The following ELAVL2 variants were observed in gnomAD, a reference collection of about 807,000 sequenced individuals.
ELAVL2 encodes ELAV like RNA binding protein 2, also known as ELAV-like protein 2.
In ELAVL2, 4 loss-of-function variants were observed where a neutral mutation model predicts 34.6. The observed-to-expected ratio is 0.12, with a 90% CI of 0.06 to 0.26. The LOEUF is 0.26. ELAVL2 is among the 10% of genes least tolerant of loss of function. The pLI is 1.00. For synonymous variants in ELAVL2, 193 were observed against 154.8 expected (o/e 1.25, Z -1.83); for missense variants, 432 against 442.8 (o/e 0.98, Z 0.22).
the ELAVL2 span, among the ~76,000 whole-genome samples, chr9:23,841,231 G>A: frequency 2.6e-5 from 4 of 152,082 alleles, no homozygotes; most frequent in Non-Finnish European, 5.9e-5. Context: ...AGAAGATGAT[G>A]AGGAGGTGAG....
chr9:23,698,402 C>G (rs1039682401), intron 5 of ELAVL2, among the ~76,000 whole-genome samples: 4 of 152,208 alleles, frequency 2.6e-5, no homozygotes, highest in South Asian at 2.1e-4. Flanking sequence ...CCTCACAAAC[C>G]CACCTTTAAA....
chr9:23,759,499 A>G (rs976319795), intron 2 of ELAVL2, among the ~76,000 whole-genome samples: 1 of 151,424 alleles, frequency 6.6e-6, no homozygotes, highest in Non-Finnish European at 1.5e-5. Context: ...CAGAAGGGTG[A>G]CTATGGTTAG....
At chr9:23,703,405 T>A (rs1331924761) in intron 4 of ELAVL2, among the ~76,000 whole-genome samples, 3 of 152,224 alleles carry the variant, frequency 2.0e-5, no homozygotes, top group Non-Finnish European at 2.9e-5. Flanking sequence ...GGTGGCAATG[T>A]ATAAGTATTA....
the ELAVL2 span, among the ~76,000 whole-genome samples, chr9:23,844,123 T>A: frequency 6.6e-6 from 1 of 152,122 alleles, no homozygotes; most frequent in South Asian, 2.1e-4. Context: ...CCTTCCTGAA[T>A]ACCACACTAA....
At chr9:23,779,395 G>A (rs891616410) in intron 1 of ELAVL2, 1 of 985,234 alleles carries the variant, frequency 1.0e-6, no homozygotes, top group Non-Finnish European at 1.2e-6. Context: ...CCTAAACACT[G>A]GCTATTTATA....
intron 1 of ELAVL2, among the ~76,000 whole-genome samples, chr9:23,822,306 T>C (rs973940523): frequency 2.0e-5 from 3 of 152,276 alleles, no homozygotes; most frequent in Admixed American, 6.5e-5. Context: ...CTTAGCCCCC[T>C]GCTGCCCCTC....
intron 4 of ELAVL2, among the ~76,000 whole-genome samples, chr9:23,702,101 T>G (rs879277587): frequency 1.3e-5 from 2 of 152,178 alleles, no homozygotes; most frequent in Non-Finnish European, 2.9e-5. Context: ...TAGAAAGACA[T>G]TTCGGTTGAA....
chr9:23,706,302 T>C (rs1442344978), intron 3 of ELAVL2, among the ~76,000 whole-genome samples: 1 of 152,212 alleles, frequency 6.6e-6, no homozygotes. Flanking sequence ...AGAAACCACA[T>C]CATTCTTGGT....
chr9:23,821,467 CCA>C (rs1293987032), intron 1 of ELAVL2: 1 of 152,290 alleles, frequency 6.6e-6, no homozygotes, highest in Non-Finnish European at 1.5e-5. Flanking sequence ...GTGTTCCCGC[CCA>C]GAGTTCGGAC....
intron 1 of ELAVL2, among the ~76,000 whole-genome samples, chr9:23,767,649 T>C (rs1453284717): frequency 6.6e-6 from 1 of 152,032 alleles, no homozygotes; most frequent in Non-Finnish European, 1.5e-5. Flanking sequence ...GGGCGTGGTC[T>C]GTAGTCCCAG....
At chr9:23,793,437 G>C (rs1026800389) in intron 1 of ELAVL2, among the ~76,000 whole-genome samples, 4 of 152,158 alleles carry the variant, frequency 2.6e-5, no homozygotes, top group African/African-American at 9.7e-5. Flanking sequence ...TAGAGACCAT[G>C]AGACACACAT....
Position 23,815,455 on chromosome 9 carries a change from A to G in ELAVL2, c.-16+10351T>C, listed in dbSNP as rs144178854. Among the ~76,000 whole-genome samples the G allele has an allele frequency of 3.9e-3, 591 of 152,302 alleles. 2 individuals are homozygous for G. The highest frequency in any genetic ancestry group is 0.024 in the Middle Eastern group (7 of 294). On this transcript the variant is annotated intron_variant, in intron 1 of 6. Transcript: ENST00000397312. ...TTTACTTCATGGCAGAAATAAACAT[A>G]TGATGGTGTATTATAAAAAAACAAA...
At chr9:23,717,607 G>A (rs1214870012) in intron 3 of ELAVL2, among the ~76,000 whole-genome samples, 1 of 152,004 alleles carries the variant, frequency 6.6e-6, no homozygotes, top group African/African-American at 2.4e-5. Context: ...TTCTTTTTCC[G>A]CCCAATAAAA....
intron 1 of ELAVL2, among the ~76,000 whole-genome samples, chr9:23,765,582 A>G (rs562114347): frequency 1.2e-4 from 18 of 152,146 alleles, no homozygotes; most frequent in Admixed American, 3.3e-4. Flanking sequence ...ATTTGCCCAC[A>G]CTGTTACATT....
chr9:23,781,078 T>A (rs1244095587), intron 1 of ELAVL2, among the ~76,000 whole-genome samples: 1 of 152,216 alleles, frequency 6.6e-6, no homozygotes, highest in Non-Finnish European at 1.5e-5. Context: ...GTTCATAACT[T>A]CCCTCATCTA....
In ELAVL2 at chr9:23,695,287, T is replaced by C. The variant is rs1030413513; in HGVS notation, c.714-1801A>G. Among the ~76,000 whole-genome samples, 4 of 152,170 alleles carry C rather than the reference T, an allele frequency of 2.6e-5. No homozygotes were observed. In the South Asian group the frequency reaches 8.3e-4, roughly 32 times the overall value. ...TAGAAGAGAACCGCATACTGAGGTC[T>C]CCAACCAAAGTGCTAGAAGACCCAG... is the stretch of plus-strand genomic sequence containing the variant. On this transcript the variant is annotated intron_variant, in intron 5 of 6. Transcript: ENST00000397312.
At chr9:23,749,843 G>A (rs2135521023) in intron 2 of ELAVL2, among the ~76,000 whole-genome samples, 1 of 152,054 alleles carries the variant, frequency 6.6e-6, no homozygotes, top group East Asian at 1.9e-4. Context: ...TCTGGCCTGA[G>A]ACCTTCTTTC....
At chr9:23,811,517 T>A (rs2062998157) in intron 1 of ELAVL2, among the ~76,000 whole-genome samples, 1 of 152,234 alleles carries the variant, frequency 6.6e-6, no homozygotes, top group Non-Finnish European at 1.5e-5. Context: ...ATCAATGCTC[T>A]GAAAAGCACC....
intron 5 of ELAVL2, among the ~76,000 whole-genome samples, chr9:23,697,830 TG>T (rs1387542479): frequency 6.6e-6 from 1 of 152,108 alleles, no homozygotes; most frequent in Non-Finnish European, 1.5e-5. Flanking sequence ...AAGTTATTGA[TG>T]GGTAAGAAAA....
Sources: allele counts gnomAD v4.1 joint callset (sites outside exome capture counted in the v4.1 genomes callset), GRCh38; gene constraint gnomAD v4.1.1; transcripts MANE v1.5; gene names NCBI Gene and HGNC (gene_info 2026-07-23, HGNC 2026-07-21).